EYS: variants seen among roughly 807,000 people sequenced by gnomAD.
The protein encoded by EYS is EGF-like photoreceptor maintenance factor.
In EYS, 250 loss-of-function variants were observed where a neutral mutation model predicts 282.1. The observed-to-expected ratio is 0.89, with a 90% confidence interval of 0.80 to 0.98. The LOEUF is 0.98. Ranked by LOEUF, EYS falls within the 50% of genes least tolerant of loss-of-function variation. The pLI, the probability that EYS is intolerant of heterozygous loss-of-function variation, is 0.00. For missense variants in EYS, 4,016 were observed against 3,709.0 expected (o/e 1.08, Z -2.15); for synonymous variants, 1,355 against 1,282.9 (o/e 1.06, Z -1.20).
chr6:64,902,169 A>G lies in EYS; in HGVS notation c.2790T>C (p.Asn930=). 2 of 1,550,806 alleles carry G rather than the reference A, an allele frequency of 1.3e-6. No individual in the cohort carries two copies. Among genetic ancestry groups the G allele is most frequent in the East Asian group, 2.4e-5 (1 of 40,858 alleles). The change falls in exon 18 of 43, where the codon AAT becomes AAC. Residue 930 remains asparagine (N), a synonymous_variant. Transcript: ENST00000503581. The stretch of plus-strand genomic sequence containing the variant: ...TTTTGCAAGGTTCAGAGGAACATTC[A>G]TTAATTTCAATTTCACACAGAGATC... ...FSGSLCEIEI[N]ECSSEPCKNN...
intron 12 of EYS, among the ~76,000 whole-genome samples, chr6:65,252,804 T>C (rs1767361611): frequency 6.6e-6 from 1 of 151,958 alleles, no homozygotes; most frequent in Admixed American, 6.6e-5. Context: ...AATTGAAAAT[T>C]GAAATAACTG....
intron 22 of EYS, among the ~76,000 whole-genome samples, chr6:64,806,701 G>A (rs192366835): frequency 6.6e-6 from 1 of 151,734 alleles, no homozygotes; most frequent in Non-Finnish European, 1.5e-5. Flanking sequence ...CGACCAAGGA[G>A]AATCAAGTCT....
At chr6:65,108,107 CT>C (rs1775098168) in intron 12 of EYS, among the ~76,000 whole-genome samples, 1 of 151,958 alleles carries the variant, frequency 6.6e-6, no homozygotes, top group Admixed American at 6.6e-5. Context: ...TCTTTCTTTA[CT>C]GAATATATGT....
At position 65,494,731 on chromosome 6, in the gene EYS, C is replaced by A. The variant is rs756283315; in HGVS notation, c.680G>T (p.Ser227Ile). ...CCAATTTTCTCTTTTATTAATGCAA[C>A]TGCCATTATTTTTACATGGTTTAAA... ...CSFKPCKNNG[S>I]CINKRENWDE... The change falls in exon 4 of 43, where the codon AGT becomes ATT. Residue 227 changes from serine to isoleucine, a missense_variant. By Grantham distance (142) the Ser-to-Ile change is moderately radical (BLOSUM62 -2). Coordinates refer to ENST00000503581, the MANE Select transcript of EYS (RefSeq NM_001142800.2). 3.1e-6 allele frequency: 5 copies of A among 1,612,086 alleles called. No homozygotes were observed. The highest frequency in any genetic ancestry group is 4.2e-6 in the Non-Finnish European group (5 of 1,178,842).
intron 29 of EYS, among the ~76,000 whole-genome samples, chr6:64,339,995 T>A (rs111434855): frequency 0.013 from 2,005 of 151,696 alleles, 44 homozygotes; most frequent in African/African-American, 0.045. Flanking sequence ...AAATCACCAC[T>A]AAAGAACTTA....
At chr6:63,865,112 CCAAT>C (rs893487195) in intron 35 of EYS, among the ~76,000 whole-genome samples, 3 of 152,200 alleles carry the variant, frequency 2.0e-5, no homozygotes, top group Admixed American at 6.5e-5. Context: ...CCACTCGGTG[CCAAT>C]CATAGTGTAT....
intron 19 of EYS, among the ~76,000 whole-genome samples, chr6:64,826,420 T>C (rs1765057472): frequency 6.6e-6 from 1 of 151,740 alleles, no homozygotes; most frequent in Non-Finnish European, 1.5e-5. Flanking sequence ...AGGCAATTCC[T>C]TTTTTAAGCA....
At chr6:65,250,290 T>C (rs1007426675) in intron 12 of EYS, among the ~76,000 whole-genome samples, 4 of 152,004 alleles carry the variant, frequency 2.6e-5, no homozygotes, top group African/African-American at 7.2e-5. Flanking sequence ...TAAATATTCT[T>C]TCATAGTCTA....
At chr6:64,557,520 G>T (rs1032065914) in intron 26 of EYS, among the ~76,000 whole-genome samples, 12 of 151,768 alleles carry the variant, frequency 7.9e-5, no homozygotes, top group African/African-American at 2.9e-4. Context: ...AATGGTGTTG[G>T]TTATTTTCAA....
At chr6:64,209,937 G>T (rs910194019) in intron 31 of EYS, among the ~76,000 whole-genome samples, 2 of 151,832 alleles carry the variant, frequency 1.3e-5, no homozygotes, top group African/African-American at 4.8e-5. Flanking sequence ...CTCTCTCTTT[G>T]ACTTCCTTTA....
intron 12 of EYS, among the ~76,000 whole-genome samples, chr6:65,230,529 A>T (rs971560769): frequency 6.6e-6 from 1 of 151,858 alleles, no homozygotes; most frequent in Non-Finnish European, 1.5e-5. Flanking sequence ...TCGTCCCTTA[A>T]AAATGTTTTC....
At chr6:64,362,862 T>C (rs541772825) in intron 29 of EYS, among the ~76,000 whole-genome samples, 76 of 151,476 alleles carry the variant, frequency 5.0e-4, no homozygotes, top group African/African-American at 1.7e-3. Flanking sequence ...CAGAGCTTCA[T>C]TTAATCTGTT....
intron 14 of EYS, among the ~76,000 whole-genome samples, chr6:64,965,334 TA>T (rs1770056040): frequency 6.6e-6 from 1 of 151,962 alleles, no homozygotes. Flanking sequence ...TAAATGATCA[TA>T]AAAAGATAAT....
chr6:64,464,573 T>C (rs1348713254), intron 26 of EYS, among the ~76,000 whole-genome samples: 2 of 152,024 alleles, frequency 1.3e-5, no homozygotes, highest in Non-Finnish European at 2.9e-5. Context: ...CCATTAGAAC[T>C]AACAAACAAA....
chr6:63,837,271 A>G (rs1260972410), intron 36 of EYS, among the ~76,000 whole-genome samples: 2 of 152,136 alleles, frequency 1.3e-5, no homozygotes, highest in Non-Finnish European at 2.9e-5. Context: ...GTTAAAATTA[A>G]AAACAGTTTG....
intron 12 of EYS, among the ~76,000 whole-genome samples, chr6:65,252,170 A>G (rs997238170): frequency 1.3e-5 from 2 of 151,968 alleles, no homozygotes; most frequent in Non-Finnish European, 2.9e-5. Flanking sequence ...CTAAGTGGAA[A>G]GGGAACTGGA....
Position 63,948,739 on chromosome 6 carries a change from G to A in EYS, c.7055+35644C>T, listed in dbSNP as rs115293653. Reference sequence around the variant, plus strand: ...ACTTGGTTCCAAACCAGGGACAAAAGTGCAGAATGTTCAGGTAATGAGGTT... The same window carrying A: ...ACTTGGTTCCAAACCAGGGACAAAAATGCAGAATGTTCAGGTAATGAGGTT... On this transcript the variant is annotated intron_variant, in intron 35 of 42. Transcript: ENST00000503581. 7.2e-3 allele frequency among the ~76,000 whole-genome samples: 1,097 copies of A among 152,120 alleles called. 15 individuals are homozygous for A. Among genetic ancestry groups the A allele is most frequent in the African/African-American group, 0.024 (1,015 of 41,490 alleles).
chr6:65,317,692 C>G (rs188482529), intron 11 of EYS, among the ~76,000 whole-genome samples: 2 of 152,036 alleles, frequency 1.3e-5, no homozygotes, highest in Non-Finnish European at 2.9e-5. Flanking sequence ...TTGGCTGGGG[C>G]TGGAGAATCC....
At chr6:65,140,725 A>G (rs909896924) in intron 12 of EYS, among the ~76,000 whole-genome samples, 6 of 152,152 alleles carry the variant, frequency 3.9e-5, no homozygotes, top group African/African-American at 1.4e-4. Flanking sequence ...TATGCAGCCA[A>G]AAGACACGTG....
Sources: allele counts gnomAD v4.1 joint callset (sites outside exome capture counted in the v4.1 genomes callset), GRCh38; gene constraint gnomAD v4.1.1; transcripts MANE v1.5; gene names NCBI Gene and HGNC (gene_info 2026-07-23, HGNC 2026-07-21).